The following SLC35F1 variants were observed in gnomAD, a reference collection of about 807,000 sequenced individuals.
SLC35F1 encodes solute carrier family 35 member F1, also known as chromosome 6 open reading frame 169.
A neutral mutation model predicts 48.7 loss-of-function variants in SLC35F1; 14 were observed. That is an observed-to-expected ratio of 0.29 (90% confidence interval 0.19 to 0.45). SLC35F1 has a LOEUF of 0.45. Ranked by LOEUF, SLC35F1 falls within the 20% of genes least tolerant of loss-of-function variation. SLC35F1 has a pLI of 1.00. For synonymous variants in SLC35F1, 190 were observed against 202.2 expected (o/e 0.94, Z 0.51); for missense variants, 404 against 500.0 (o/e 0.81, Z 1.83).
intron 1 of SLC35F1, among the ~76,000 whole-genome samples, chr6:118,119,492 G>GCC (rs564384163): frequency 5.8e-4 from 12 of 20,660 alleles, no homozygotes; most frequent in South Asian, 3.4e-3. Flanking sequence ...GTAATAACCG[G>GCC]CGCCCCCCCT....
chr6:118,035,682 ATTT>A lies in SLC35F1; in HGVS notation c.174-118740_174-118738del, dbSNP rs745704672. Among the ~76,000 whole-genome samples the A allele has an allele frequency of 5.8e-3, 508 of 87,262 alleles. 3 individuals carry two copies. Among genetic ancestry groups the A allele is most frequent in the African/African-American group, 0.023 (485 of 21,264 alleles). 57.2% of individuals were successfully genotyped at this position (87,262 alleles called of 152,430 possible). A position where few individuals can be genotyped will look rare whatever the true frequency, so the allele number is the denominator to read the frequency against. ...AAACCCCCAACATTTGGCTTTGTTA[ATTT>A]TTTTTTTTTTTTTTTTTTTTTTGAG... On this transcript the variant is annotated intron_variant, in intron 1 of 7. Transcript: ENST00000360388.
chr6:118,131,581 G>T (rs905922693), intron 1 of SLC35F1, among the ~76,000 whole-genome samples: 2 of 152,204 alleles, frequency 1.3e-5, no homozygotes, highest in African/African-American at 2.4e-5. Context: ...CAAAGAATAT[G>T]AATATTATTG....
intron 2 of SLC35F1, among the ~76,000 whole-genome samples, chr6:118,190,686 C>T (rs73523987): frequency 0.022 from 3,384 of 152,180 alleles, 137 homozygotes; most frequent in African/African-American, 0.077. Context: ...GAGAATACAG[C>T]GCACCAGGGG....
chr6:118,228,262 C>CT (rs1189977355), intron 2 of SLC35F1, among the ~76,000 whole-genome samples: 1 of 151,740 alleles, frequency 6.6e-6, no homozygotes, highest in Non-Finnish European at 1.5e-5. Context: ...TTTAGATTTT[C>CT]TTTTTTATAT....
At chr6:118,272,530 AT>A (rs1407884301) in intron 4 of SLC35F1, among the ~76,000 whole-genome samples, 1 of 152,112 alleles carries the variant, frequency 6.6e-6, no homozygotes, top group Non-Finnish European at 1.5e-5. Flanking sequence ...CTATGTTAAT[AT>A]TTTATATGTT....
At chr6:118,068,791 T>C (rs538876765) in intron 1 of SLC35F1, among the ~76,000 whole-genome samples, 1 of 152,226 alleles carries the variant, frequency 6.6e-6, no homozygotes, top group Non-Finnish European at 1.5e-5. Context: ...TTTGTGAGGT[T>C]GGTGTTGATT....
intron 1 of SLC35F1, among the ~76,000 whole-genome samples, chr6:118,095,491 T>G (rs1031717997): frequency 2.0e-4 from 30 of 152,166 alleles, no homozygotes; most frequent in African/African-American, 7.2e-4. Context: ...TTCCTTTTTC[T>G]TTAAGAAACT....
intron 1 of SLC35F1, among the ~76,000 whole-genome samples, chr6:117,946,160 C>T (rs1776292439): frequency 6.6e-6 from 1 of 152,138 alleles, no homozygotes; most frequent in Non-Finnish European, 1.5e-5. Flanking sequence ...CTTCCAAGTC[C>T]TGACCTGTTT....
At chr6:117,994,088 C>G (rs1776954336) in intron 1 of SLC35F1, among the ~76,000 whole-genome samples, 1 of 152,036 alleles carries the variant, frequency 6.6e-6, no homozygotes, top group South Asian at 2.1e-4. Flanking sequence ...CAGCTTAATT[C>G]TAAGCAGAAT....
chr6:118,038,138 G>T (rs181403513), intron 1 of SLC35F1, among the ~76,000 whole-genome samples: 163 of 152,180 alleles, frequency 1.1e-3, no homozygotes, highest in African/African-American at 3.8e-3. Flanking sequence ...TGTCATATGA[G>T]TTATATCTAC....
chr6:117,913,223 A>G (rs917174243), intron 1 of SLC35F1, among the ~76,000 whole-genome samples: 4 of 152,214 alleles, frequency 2.6e-5, no homozygotes, highest in African/African-American at 7.2e-5. Flanking sequence ...TATGCTTAGG[A>G]AGACAAACTT....
chr6:118,215,807 CA>C (rs1413416283), intron 2 of SLC35F1, among the ~76,000 whole-genome samples: 5 of 152,074 alleles, frequency 3.3e-5, no homozygotes, highest in East Asian at 1.9e-4. Flanking sequence ...AGAGAACTAC[CA>C]GGGGCAGAGG....
chr6:118,124,660 A>G (rs751967595), intron 1 of SLC35F1, among the ~76,000 whole-genome samples: 1 of 152,156 alleles, frequency 6.6e-6, no homozygotes, highest in Non-Finnish European at 1.5e-5. Context: ...ACCTATCATG[A>G]CCATTTGAAG....
At chr6:118,015,113 G>A (rs1189153432) in intron 1 of SLC35F1, among the ~76,000 whole-genome samples, 3 of 152,116 alleles carry the variant, frequency 2.0e-5, no homozygotes, top group African/African-American at 7.2e-5. Context: ...CTGTTGCCAC[G>A]TAAGACATGC....
chr6:118,061,590 G>GTGTGTATATA (rs911818102), intron 1 of SLC35F1, among the ~76,000 whole-genome samples: 1 of 144,386 alleles, frequency 6.9e-6, no homozygotes, highest in Non-Finnish European at 1.5e-5. Context: ...GTGTGTGTGT[G>GTGTGTATATA]TATATATATA....
At chr6:118,292,887 T>C (rs1776141938) in intron 7 of SLC35F1, among the ~76,000 whole-genome samples, 1 of 152,172 alleles carries the variant, frequency 6.6e-6, no homozygotes, top group Admixed American at 6.6e-5. Context: ...ACTCTAAATC[T>C]TACAAGACTT....
chr6:118,140,006 A>G (rs2114440337), intron 1 of SLC35F1, among the ~76,000 whole-genome samples: 1 of 152,330 alleles, frequency 6.6e-6, no homozygotes, highest in South Asian at 2.1e-4. Flanking sequence ...GAACTTTAAA[A>G]AAATGGATGA....
intron 2 of SLC35F1, among the ~76,000 whole-genome samples, chr6:118,172,220 G>A (rs1375795828): frequency 6.6e-6 from 1 of 152,022 alleles, no homozygotes; most frequent in African/African-American, 2.4e-5. Flanking sequence ...ATAACCCTTG[G>A]ACATCTTCCA....
At chr6:118,144,587 T>TAAA (rs59175140) in intron 1 of SLC35F1, among the ~76,000 whole-genome samples, 7 of 137,962 alleles carry the variant, frequency 5.1e-5, no homozygotes, top group East Asian at 2.1e-4. Context: ...TCCCAGAACT[T>TAAA]AAAAAAAAAA....
Sources: gnomAD v4.1 joint callset for allele counts (sites outside exome capture counted in the v4.1 genomes callset) on GRCh38, gnomAD v4.1.1 for gene constraint, MANE v1.5 for transcripts, NCBI Gene and HGNC (gene_info 2026-07-23, HGNC 2026-07-21) for gene names.